Variants in DMD observed in about 807,000 individuals in gnomAD.
DMD encodes the protein dystrophin, also known as mutant dystrophin.
Under a neutral mutation model 330.1 loss-of-function variants are expected in DMD, and 63 were observed. That is an observed-to-expected ratio of 0.19 (90% confidence interval 0.16 to 0.24). DMD has a LOEUF of 0.24. Among genes scored for constraint, DMD ranks in the 10% least tolerant of loss-of-function variants. The pLI is 1.00. For synonymous variants in DMD, 1,223 were observed against 959.8 expected (o/e 1.27, Z -5.07); for missense variants, 3,344 against 2,684.1 (o/e 1.25, Z -5.43).
chrX:32,939,677 A>G (rs1323437861), intron 2 of DMD, among the ~76,000 whole-genome samples: 4 of 111,546 alleles, frequency 3.6e-5, no homozygotes, highest in Non-Finnish European at 5.7e-5. Flanking sequence ...TCATATATCC[A>G]TCTAAAAATA....
chrX:32,752,768 G>A (rs2070997369), intron 7 of DMD, among the ~76,000 whole-genome samples: 1 of 109,003 alleles, frequency 9.2e-6, no homozygotes, highest in South Asian at 4.1e-4. Context: ...TTGAATCATG[G>A]GGACAGGTCT....
rs765029159 is a variant in DMD, at chrX:32,246,854, C to A, written c.6291-29791G>T. ...AAGTCAAACCTGAAATCATGGCTCA[C>A]AACCAGCACCACCTAATGTCAGGCA... is the stretch of plus-strand genomic sequence containing the variant. On this transcript the variant is annotated intron_variant, in intron 43 of 78. Transcript: ENST00000357033. 2.7e-5 allele frequency among the ~76,000 whole-genome samples: 3 copies of A among 111,016 alleles called. No individual in the cohort carries two copies. In the East Asian group the frequency reaches 8.6e-4, roughly 32 times the overall value.
chrX:32,408,981 C>T (rs1283100590), intron 30 of DMD, among the ~76,000 whole-genome samples: 2 of 109,517 alleles, frequency 1.8e-5, no homozygotes, highest in Non-Finnish European at 3.8e-5. Context: ...ATTTTGGTGG[C>T]ATTCTTAGTG....
intron 30 of DMD, among the ~76,000 whole-genome samples, chrX:32,408,904 CT>C (rs1569561563): frequency 1.2e-4 from 13 of 107,980 alleles, no homozygotes; most frequent in African/African-American, 4.5e-4. Flanking sequence ...ATCTATCTAT[CT>C]ATCTATCCAT....
At chrX:31,885,611 C>CAAAAAAAAAAA (rs762289533) in intron 47 of DMD, among the ~76,000 whole-genome samples, 54 of 52,306 alleles carry the variant, frequency 1.0e-3, no homozygotes, top group Non-Finnish European at 1.3e-3. Flanking sequence ...CTCCGTCTCA[C>CAAAAAAAAAAA]AAAAAAAAAA....
intron 20 of DMD, among the ~76,000 whole-genome samples, chrX:32,489,568 C>T (rs867690734): frequency 9.0e-6 from 1 of 111,512 alleles, no homozygotes; most frequent in South Asian, 3.8e-4. Flanking sequence ...CCTGGACTTT[C>T]TCTCACTTCT....
chrX:32,402,293 G>C (rs973260978), intron 30 of DMD, among the ~76,000 whole-genome samples: 4 of 111,198 alleles, frequency 3.6e-5, no homozygotes, highest in Non-Finnish European at 5.7e-5. Flanking sequence ...ATATATAATA[G>C]TAATTGATAT....
rs372608114 is a variant in DMD at position 32,348,359 on chromosome X, T to C, written c.5448+47A>G. On this transcript the variant is annotated intron_variant, in intron 38 of 78. Coordinates refer to ENST00000357033, the MANE Select transcript of DMD (RefSeq NM_004006.3). ...ACTTATCTAAGTTCTTTCCAAATAT[T>C]TATTTCCACTCCTAGTTCATTCACA... 1.0e-4 allele frequency: 120 copies of C among 1,163,083 alleles called. 1 individual carries two copies. Among genetic ancestry groups the C allele is most frequent in the Non-Finnish European group, 8.2e-6 (7 of 854,877 alleles).
At chrX:33,032,894 C>T (rs1230580693) in intron 1 of DMD, among the ~76,000 whole-genome samples, 1 of 111,944 alleles carries the variant, frequency 8.9e-6, no homozygotes, top group Non-Finnish European at 1.9e-5. Context: ...AAGTCTTAAG[C>T]CAGTGTTTAT....
chrX:31,869,850 T>C (rs2093862433), intron 48 of DMD, among the ~76,000 whole-genome samples: 1 of 111,632 alleles, frequency 9.0e-6, no homozygotes. Context: ...ACTGCCATCC[T>C]CACTCTACCA....
At chrX:33,319,402 GA>G (rs1257360018) in intron 1 of DMD, among the ~76,000 whole-genome samples, 1 of 111,053 alleles carries the variant, frequency 9.0e-6, no homozygotes, top group African/African-American at 3.3e-5. Context: ...AATGTATTTA[GA>G]AATCTGGGAT....
chrX:32,466,009 T>C (rs1374893533), intron 23 of DMD, among the ~76,000 whole-genome samples: 1 of 111,570 alleles, frequency 9.0e-6, no homozygotes, highest in Admixed American at 9.6e-5. Flanking sequence ...TCCTCTCATC[T>C]TGGGAATGTT....
At chrX:31,345,201 T>C (rs1215698389) in intron 61 of DMD, among the ~76,000 whole-genome samples, 1 of 112,049 alleles carries the variant, frequency 8.9e-6, no homozygotes, top group East Asian at 2.8e-4. Context: ...GCTGGCTCCA[T>C]TCAGGCAGGT....
At chrX:32,146,282 G>C (rs966454739) in intron 44 of DMD, among the ~76,000 whole-genome samples, 1 of 111,753 alleles carries the variant, frequency 8.9e-6, no homozygotes, top group Non-Finnish European at 1.9e-5. Context: ...GAGATAGATA[G>C]ATGATAGATA....
chrX:31,687,939 GTT>G (rs1447929854), intron 52 of DMD, among the ~76,000 whole-genome samples: 4 of 111,004 alleles, frequency 3.6e-5, no homozygotes, highest in Non-Finnish European at 7.5e-5. Context: ...TGTTTCTGAA[GTT>G]CTCTGATATT....
At chrX:33,149,046 G>A (rs930250204) in intron 1 of DMD, among the ~76,000 whole-genome samples, 2 of 110,053 alleles carry the variant, frequency 1.8e-5, no homozygotes, top group East Asian at 2.8e-4. Flanking sequence ...TGGGGTTAGT[G>A]GGGGGGAGGT....
intron 44 of DMD, among the ~76,000 whole-genome samples, chrX:32,100,402 T>TAC (rs1557134948): frequency 9.3e-6 from 1 of 107,022 alleles, no homozygotes; most frequent in Admixed American, 1.0e-4. Context: ...TATATATATA[T>TAC]ATATTAGCTA....
At chrX:32,253,909 A>G (rs1240187611) in intron 43 of DMD, among the ~76,000 whole-genome samples, 1 of 111,847 alleles carries the variant, frequency 8.9e-6, no homozygotes, top group Non-Finnish European at 1.9e-5. Flanking sequence ...GGCGTGAGCC[A>G]CCACGCCTGG....
chrX:31,651,786 C>T (rs1042710105), intron 54 of DMD, among the ~76,000 whole-genome samples: 1 of 111,468 alleles, frequency 9.0e-6, no homozygotes, highest in African/African-American at 3.3e-5. Context: ...TCACCACATT[C>T]ACCTCTCCCA....
Sources: gnomAD v4.1 joint callset for allele counts (sites outside exome capture counted in the v4.1 genomes callset) on GRCh38, gnomAD v4.1.1 for gene constraint, MANE v1.5 for transcripts, NCBI Gene and HGNC (gene_info 2026-07-23, HGNC 2026-07-21) for gene names.